Variants in FBXL7 observed in about 807,000 individuals in gnomAD.
FBXL7 encodes the protein F-box and leucine rich repeat protein 7.
FBXL7 carries 12 observed loss-of-function variants against 38.3 expected under a neutral mutation model. The observed-to-expected ratio is 0.31, with a 90% confidence interval of 0.20 to 0.51. FBXL7 has a LOEUF of 0.51. Ranked by LOEUF, FBXL7 falls within the 20% of genes least tolerant of loss-of-function variation. FBXL7 has a pLI of 0.98. For synonymous variants in FBXL7, 297 were observed against 300.9 expected (o/e 0.99, Z 0.13); for missense variants, 567 against 676.4 (o/e 0.84, Z 1.79).
chr5:15,549,468 C>G (rs1186806456), intron 1 of FBXL7, among the ~76,000 whole-genome samples: 1 of 152,050 alleles, frequency 6.6e-6, no homozygotes, highest in Non-Finnish European at 1.5e-5. Context: ...CCTTGCCTTT[C>G]TTTGTAAGGC....
intron 1 of FBXL7, among the ~76,000 whole-genome samples, chr5:15,569,285 C>G (rs1334281319): frequency 2.0e-5 from 3 of 151,226 alleles, no homozygotes; most frequent in Non-Finnish European, 3.0e-5. Flanking sequence ...GTTTGTAGTT[C>G]TCCTTGAAGA....
intron 2 of FBXL7, among the ~76,000 whole-genome samples, chr5:15,709,280 TC>T (rs1743784899): frequency 6.6e-6 from 1 of 152,140 alleles, no homozygotes; most frequent in African/African-American, 2.4e-5. Context: ...ATGCCTGTAA[TC>T]CCAGCACTTT....
chr5:15,615,897 T>C, intron 1 of FBXL7, 86 bp from the exon 2 acceptor site: 1 of 796,900 alleles, frequency 1.3e-6, no homozygotes, highest in Non-Finnish European at 2.1e-6. Flanking sequence ...AAACTGGTGA[T>C]ATGGCTTGCT....
chr5:15,579,684 A>AT (rs1406625294), intron 1 of FBXL7, among the ~76,000 whole-genome samples: 1 of 152,110 alleles, frequency 6.6e-6, no homozygotes, highest in Non-Finnish European at 1.5e-5. Context: ...CTTGTGGGTC[A>AT]AGAATGTGGG....
At chr5:15,738,821 A>G (rs4318779) in intron 2 of FBXL7, among the ~76,000 whole-genome samples, 96,364 of 152,116 alleles carry the variant, frequency 0.63, 31,225 homozygotes, top group East Asian at 0.72. Flanking sequence ...CTGTAGGGAA[A>G]GAAGACAACT....
chr5:15,517,980 T>G (rs1216377340), intron 1 of FBXL7, among the ~76,000 whole-genome samples: 3 of 151,940 alleles, frequency 2.0e-5, no homozygotes, highest in African/African-American at 7.3e-5. Flanking sequence ...TTGTGTGTGT[T>G]TGTTTTCGTT....
intron 1 of FBXL7, among the ~76,000 whole-genome samples, chr5:15,523,876 T>C (rs1050362162): frequency 6.6e-6 from 1 of 152,196 alleles, no homozygotes; most frequent in African/African-American, 2.4e-5. Flanking sequence ...TGGCAGCATG[T>C]GTGCAGCTTA....
chr5:15,866,899 C>G (rs961039097), intron 2 of FBXL7, among the ~76,000 whole-genome samples: 1 of 151,934 alleles, frequency 6.6e-6, no homozygotes, highest in Non-Finnish European at 1.5e-5. Context: ...ATTTTTTTAA[C>G]CCAGTCTATT....
intron 2 of FBXL7, among the ~76,000 whole-genome samples, chr5:15,842,106 G>A (rs1738765033): frequency 6.6e-6 from 1 of 152,202 alleles, no homozygotes; most frequent in Non-Finnish European, 1.5e-5. Flanking sequence ...CCGTGTGCCT[G>A]GAAAAGCCAC....
rs58122452 is a variant in FBXL7, at chr5:15,523,971, G to A, written c.37+23258G>A. 9.4e-3 allele frequency among the ~76,000 whole-genome samples: 1,431 copies of A among 152,306 alleles called. 22 individuals are homozygous for A. The highest frequency in any genetic ancestry group is 0.033 in the African/African-American group (1,366 of 41,554). ...ATGAGCTAATGTTGCATATAGAGAT[G>A]TGATCTTTAAGATGACAGTTCATTT... On this transcript the variant is annotated intron_variant, in intron 1 of 3. Transcript: ENST00000504595.
rs150680516 is a variant in FBXL7 at position 15,703,317 on chromosome 5, A to G, written c.127+87245A>G. On this transcript the variant is annotated intron_variant, in intron 2 of 3. Coordinates refer to ENST00000504595, the MANE Select transcript of FBXL7 (RefSeq NM_012304.5). ...TGAGGTTACAATGGGCATTCAAAAT[A>G]ATGTTACATGTTTCACCTCCAACAG... Among the ~76,000 whole-genome samples, 336 of 152,342 alleles carry G rather than the reference A, an allele frequency of 2.2e-3. 2 individuals are homozygous for G. The highest frequency in any genetic ancestry group is 7.7e-3 in the African/African-American group (320 of 41,588).
At chr5:15,915,447 A>G (rs1741559895) in intron 2 of FBXL7, among the ~76,000 whole-genome samples, 1 of 152,206 alleles carries the variant, frequency 6.6e-6, no homozygotes, top group Non-Finnish European at 1.5e-5. Context: ...CCGTCTTCAC[A>G]GTGCCATCTC....
chr5:15,885,474 A>T (rs890259452), intron 2 of FBXL7, among the ~76,000 whole-genome samples: 6 of 152,220 alleles, frequency 3.9e-5, no homozygotes, highest in African/African-American at 1.4e-4. Flanking sequence ...TATAAATTCC[A>T]GAAGATGAGA....
At chr5:15,763,632 G>T (rs1307202804) in intron 2 of FBXL7, among the ~76,000 whole-genome samples, 1 of 152,132 alleles carries the variant, frequency 6.6e-6, no homozygotes, top group Non-Finnish European at 1.5e-5. Context: ...CTCTACATCA[G>T]AGCATTATTT....
intron 2 of FBXL7, among the ~76,000 whole-genome samples, chr5:15,730,456 T>A (rs2126662414): frequency 6.6e-6 from 1 of 152,266 alleles, no homozygotes; most frequent in South Asian, 2.1e-4. Context: ...ATTAAAAAAA[T>A]TCCTTCAAGG....
At chr5:15,650,348 T>TA (rs1267308355) in intron 2 of FBXL7, among the ~76,000 whole-genome samples, 1 of 152,232 alleles carries the variant, frequency 6.6e-6, no homozygotes, top group East Asian at 1.9e-4. Flanking sequence ...AATTTTAAAA[T>TA]ACTTTATTGC....
rs542024278 is a variant in FBXL7 at position 15,550,761 on chromosome 5, TG to T, written c.37+50049del. Among the ~76,000 whole-genome samples, 296 of 152,342 alleles carry T rather than the reference TG, an allele frequency of 1.9e-3. 2 individuals carry two copies. Among genetic ancestry groups the T allele is most frequent in the Non-Finnish European group, 3.4e-3 (230 of 68,028 alleles). ...GTTCTCCCAAACTCTTGGCTGAAAA[TG>T]CCTTGCTCATTCCGGGACTGCCCAA... On this transcript the variant is annotated intron_variant, in intron 1 of 3. Transcript: ENST00000504595.
At chr5:15,538,828 G>A (rs1400941849) in intron 1 of FBXL7, among the ~76,000 whole-genome samples, 1 of 152,146 alleles carries the variant, frequency 6.6e-6, no homozygotes, top group Non-Finnish European at 1.5e-5. Flanking sequence ...GGAGAAATCA[G>A]TTTGTTTGCT....
intron 2 of FBXL7, among the ~76,000 whole-genome samples, chr5:15,635,285 A>G (rs911213343): frequency 1.3e-4 from 20 of 152,258 alleles, no homozygotes; most frequent in African/African-American, 3.9e-4. Flanking sequence ...TGTTGCTCAG[A>G]GAGCTCACAG....
Sources: gnomAD v4.1 joint callset for allele counts (sites outside exome capture counted in the v4.1 genomes callset) on GRCh38, gnomAD v4.1.1 for gene constraint, MANE v1.5 for transcripts, NCBI Gene and HGNC (gene_info 2026-07-23, HGNC 2026-07-21) for gene names.